PAXBP1: variants seen among roughly 807,000 people sequenced by gnomAD.
PAXBP1 encodes the protein PAX3- and PAX7-binding protein 1.
PAXBP1 carries 44 observed loss-of-function variants against 119.9 expected under a neutral mutation model. The observed-to-expected ratio is 0.37, with a 90% CI of 0.29 to 0.47. The LOEUF (loss-of-function observed/expected upper bound fraction) is 0.47. PAXBP1 is among the 20% of genes least tolerant of loss of function. The pLI, the probability that PAXBP1 is intolerant of heterozygous loss-of-function variation, is 0.99. For synonymous variants in PAXBP1, 393 were observed against 406.6 expected (o/e 0.97, Z 0.40); for missense variants, 898 against 1,134.1 (o/e 0.79, Z 2.99).
In PAXBP1 at chr21:32,762,106, A is replaced by G. The variant is rs970923940; in HGVS notation, c.861T>C (p.Ala287=). 6.2e-7 allele frequency: 1 copy of G among 1,614,070 alleles called. No individual in the cohort carries two copies. The highest frequency in any genetic ancestry group is 1.3e-5 in the African/African-American group (1 of 74,908). ...ATTAAATCAAGTTACCTATTTCCTC[A>G]GCAATTTTTTGTCTTTGTGACTTTT... ...VKEKSQRQKI[A]EEIGIEGSDD... The change falls in exon 4 of 18, where the codon GCT becomes GCC. Residue 287 remains alanine, a synonymous_variant. Coordinates refer to ENST00000331923, the MANE Select transcript of PAXBP1 (RefSeq NM_016631.4).
Position 32,737,422 on chromosome 21 carries a change from A to G in PAXBP1, c.2482-14T>C, listed in dbSNP as rs760041666. The stretch of plus-strand genomic sequence containing the variant: ...ACAATTGATTACCTGTGGAGAAGAA[A>G]GACGTAAAATAAAATAGTTAAGACA... On this transcript the variant is annotated splice_polypyrimidine_tract_variant and intron_variant, in intron 16 of 17. Coordinates refer to ENST00000331923, the MANE Select transcript of PAXBP1 (RefSeq NM_016631.4). The G allele has an allele frequency of 6.3e-7, 1 of 1,589,358 alleles. No homozygotes were observed. The highest frequency in any genetic ancestry group is 1.9e-5 in the Admixed American group (1 of 53,680).
chr21:32,737,495 G>A, intron 16 of PAXBP1, 87 bp from the exon 17 acceptor site: 2 of 1,120,872 alleles, frequency 1.8e-6, no homozygotes, highest in Middle Eastern at 3.0e-4. Context: ...GGGTATAAAT[G>A]TATTTCACCA....
At chr21:32,748,729 T>C (rs779053341) in intron 10 of PAXBP1, 31 bp from the exon 11 acceptor site, 12 of 1,571,308 alleles carry the variant, frequency 7.6e-6, no homozygotes, top group South Asian at 1.1e-5. Context: ...CAGAGAACCA[T>C]ACATTAGTAT....
At chr21:32,735,614 C>G (rs1372163888) in intron 17 of PAXBP1, among the ~76,000 whole-genome samples, 4 of 152,176 alleles carry the variant, frequency 2.6e-5, no homozygotes, top group Admixed American at 2.6e-4. Flanking sequence ...CAAATTTTAG[C>G]ACACATTAGA....
At position 32,751,118 on chromosome 21, in the gene PAXBP1, C is replaced by A; in HGVS notation, c.1607+1G>T. The stretch of plus-strand genomic sequence containing the variant: ...GCCAGAGCAAGGGTTTTGAGAATTA[C>A]CTCCTGGCCTCCCGCTCTGCAATGC... On this transcript the variant is annotated splice_donor_variant, in intron 9 of 17. Transcript: ENST00000331923. LOFTEE classifies it high-confidence loss of function. The A allele has an allele frequency of 6.2e-7, 1 of 1,613,626 alleles. No homozygotes were observed. The highest frequency in any genetic ancestry group is 1.1e-5 in the South Asian group (1 of 91,072).
intron 16 of PAXBP1, 128 bp from the exon 17 acceptor site, chr21:32,737,536 TC>T: frequency 1.4e-6 from 1 of 709,220 alleles, no homozygotes. Context: ...CAGCAATTAC[TC>T]TGAAGAAATA....
Position 32,764,531 on chromosome 21 carries a change from T to C in PAXBP1, c.473-7A>G. The C allele has an allele frequency of 6.4e-7, 1 of 1,569,254 alleles. No individual in the cohort carries two copies. The highest frequency in any genetic ancestry group is 8.6e-7 in the Non-Finnish European group (1 of 1,157,454). On this transcript the variant is annotated splice_region_variant and splice_polypyrimidine_tract_variant and intron_variant, in intron 2 of 17. Transcript: ENST00000331923. ...TTGTCCAAAGGTTGTTCACCTAAAT[T>C]TTTGAAGAATTAAAATATATGTAAA...
rs747821387 is a variant in PAXBP1 at position 32,761,140 on chromosome 21, A to T, written c.894T>A (p.Asp298Glu). Residue 298 changes from aspartate (D) to glutamate (E), a missense_variant, in exon 5 of 18, where the codon GAT becomes GAA. Coordinates refer to ENST00000331923, the MANE Select transcript of PAXBP1 (RefSeq NM_016631.4). The stretch of plus-strand genomic sequence containing the variant: ...CATCCTGTTCTCCAGTTACTAAAGC[A>T]TCATCATCACTCCCCTCAATTCCTA... Reference protein sequence around the residue: ...EEIGIEGSDDDALVTGEQDEE... With the variant: ...EEIGIEGSDDEALVTGEQDEE... 2 of 1,613,898 alleles carry T rather than the reference A, an allele frequency of 1.2e-6. No homozygotes were observed. Among genetic ancestry groups the T allele is most frequent in the Admixed American group, 3.3e-5 (2 of 60,010 alleles).
intron 15 of PAXBP1, 36 bp from the exon 16 acceptor site, chr21:32,738,355 A>G (rs2043723646): frequency 6.5e-7 from 1 of 1,526,806 alleles, no homozygotes; most frequent in Non-Finnish European, 8.8e-7. Context: ...ATGTGAAACA[A>G]TTAGATTAGG....
At chr21:32,753,022 A>G (rs2043981763) in intron 8 of PAXBP1, among the ~76,000 whole-genome samples, 1 of 152,156 alleles carries the variant, frequency 6.6e-6, no homozygotes, top group African/African-American at 2.4e-5. Context: ...TGCATCAATT[A>G]CAATGAAAAA....
intron 2 of PAXBP1, among the ~76,000 whole-genome samples, chr21:32,768,109 G>T (rs550617597): frequency 4.6e-5 from 7 of 152,244 alleles, no homozygotes; most frequent in African/African-American, 1.7e-4. Flanking sequence ...TTATTAACAG[G>T]TGGGGCCCTT....
rs758588100 is a variant in PAXBP1 at position 32,744,774 on chromosome 21, C to CA, written c.2190+17dup. 17 of 1,538,950 alleles carry CA rather than the reference C, an allele frequency of 1.1e-5. No homozygotes were observed. The South Asian group carries it at 2.1e-4, about 19-fold the overall frequency. On this transcript the variant is annotated intron_variant, in intron 13 of 17. Coordinates refer to ENST00000331923, the MANE Select transcript of PAXBP1 (RefSeq NM_016631.4). Reference sequence around the variant, plus strand: ...GAAAGAGGAAAAAAAAAAAAGGCTTCAAAAGATACTAAATTACCTGTGTAT... The same window carrying CA: ...GAAAGAGGAAAAAAAAAAAAGGCTTCAAAAAGATACTAAATTACCTGTGTAT...
At chr21:32,742,997 A>T (rs1476361224) in intron 15 of PAXBP1, 1 of 592,606 alleles carries the variant, frequency 1.7e-6, no homozygotes, top group Non-Finnish European at 3.3e-6. Context: ...TGAAAAAATT[A>T]ATTGTGGCTT....
chr21:32,755,170 G>A, intron 8 of PAXBP1, 60 bp downstream of exon 8: 3 of 1,501,148 alleles, frequency 2.0e-6, no homozygotes, highest in Non-Finnish European at 2.7e-6. Flanking sequence ...TTTTCAATTA[G>A]GCTGCACTAA....
In PAXBP1 at chr21:32,748,675, T is replaced by C. The variant is rs1488081083; in HGVS notation, c.1747A>G (p.Lys583Glu). 6.2e-7 allele frequency: 1 copy of C among 1,611,248 alleles called. No individual in the cohort carries two copies. The highest frequency in any genetic ancestry group is 8.5e-7 in the Non-Finnish European group (1 of 1,178,402). ...CTTTCAAGGACATCTTCAAAAACTT[T>C]GCCGGATTCTTTTGAAATTCGATCT... ...EKDRISKESGKVFEDVLESFY... is the reference protein window; with the variant it reads ...EKDRISKESGEVFEDVLESFY... The change falls in exon 11 of 18, where the codon AAA (lysine) becomes GAA (glutamate). Residue 583 changes from lysine to glutamate, a missense_variant. Lys to Glu is a moderately conservative substitution (Grantham distance 56). Around this residue, in one of 2 missense-constraint regions of PAXBP1, gnomAD observed 599 missense variants for 852.7 expected, o/e 0.70. Transcript: ENST00000331923.
At chr21:32,743,130 G>A (rs2043813844) in intron 15 of PAXBP1, 118 bp downstream of exon 15, 2 of 779,076 alleles carry the variant, frequency 2.6e-6, no homozygotes, top group South Asian at 1.5e-5. Context: ...GGAGATTTTG[G>A]GTATAGATAT....
intron 7 of PAXBP1, 27 bp from the exon 8 acceptor site, chr21:32,755,380 C>T (rs2044027655): frequency 6.2e-7 from 1 of 1,600,292 alleles, no homozygotes; most frequent in African/African-American, 1.4e-5. Flanking sequence ...CACTCCGTAA[C>T]ACCAAACTCC....
At chr21:32,738,749 C>G (rs2043729739) in intron 15 of PAXBP1, among the ~76,000 whole-genome samples, 2 of 152,108 alleles carry the variant, frequency 1.3e-5, no homozygotes, top group Non-Finnish European at 2.9e-5. Flanking sequence ...GAACTACAAC[C>G]AAGTTATATC....
chr21:32,739,937 TTAAAAAAA>T (rs772283288), intron 15 of PAXBP1, among the ~76,000 whole-genome samples: 22 of 62,808 alleles, frequency 3.5e-4, no homozygotes, highest in South Asian at 5.0e-4. Context: ...CCTCGTCTCT[TTAAAAAAA>T]AAAAAAAAAA....
Sources: gnomAD v4.1 joint callset for allele counts (sites outside exome capture counted in the v4.1 genomes callset) on GRCh38, gnomAD v4.1.1 for gene constraint, gnomAD v4.1.1 regional missense constraint, MANE v1.5 for transcripts, NCBI Gene and HGNC (gene_info 2026-07-23, HGNC 2026-07-21) for gene names.